Variants in SYNE1 observed in about 807,000 individuals in gnomAD.
SYNE1 encodes the protein nesprin-1.
SYNE1 carries 616 observed loss-of-function variants against 1,111.0 expected under a neutral mutation model. The ratio of observed to expected loss-of-function variants is 0.55; its 90% CI spans 0.52 to 0.59. The LOEUF is 0.59. Among genes scored for constraint, SYNE1 ranks in the 20% least tolerant of loss-of-function variants. The probability of loss-of-function intolerance (pLI) is 0.00; values close to 1 mark genes in which losing one functional copy is unlikely to be tolerated. For missense variants in SYNE1, 10,006 were observed against 10,417.0 expected, an observed-to-expected ratio of 0.96 and a Z score of 1.72; for synonymous variants, 3,855 against 3,825.8, an observed-to-expected ratio of 1.01 and a Z score of -0.28.
At position 152,368,395 on chromosome 6, in the gene SYNE1, T is replaced by A. The variant is rs966703812; in HGVS notation, c.9807+577A>T. 6 of 153,832 alleles carry A rather than the reference T, an allele frequency of 3.9e-5. 1 individual carries two copies. In the South Asian group the frequency reaches 1.2e-3, roughly 31 times the overall value. 9.5% of individuals were successfully genotyped at this position (153,832 alleles called of 1,614,324 possible). A position where few individuals can be genotyped will look rare whatever the true frequency, so the allele number is the denominator to read the frequency against. On this transcript the variant is annotated intron_variant, in intron 61 of 145. Coordinates refer to ENST00000367255, the MANE Select transcript of SYNE1 (RefSeq NM_182961.4). ...TTCTTCTAAGCTATTTGAAAAGAGG[T>A]TTAATCAGTTGTCTGAACCATTGCC...
intron 3 of SYNE1, among the ~76,000 whole-genome samples, chr6:152,601,520 C>T (rs550476912): frequency 1.5e-4 from 23 of 152,246 alleles, no homozygotes; most frequent in African/African-American, 5.3e-4. Context: ...AACTTCGCAG[C>T]AGGATTAGAA....
chr6:152,388,221 C>G (rs2097552254), intron 53 of SYNE1, among the ~76,000 whole-genome samples: 1 of 151,836 alleles, frequency 6.6e-6, no homozygotes, highest in South Asian at 2.1e-4. Flanking sequence ...CCTACCTGTT[C>G]CTCAAATAAT....
intron 65 of SYNE1, 120 bp from the exon 66 acceptor site, chr6:152,358,657 T>C (rs1484629307): frequency 1.1e-6 from 1 of 937,862 alleles, no homozygotes; most frequent in Non-Finnish European, 1.6e-6. Context: ...AGAATATGAG[T>C]TATTTCCTAG....
chr6:152,170,794 C>T (rs569518106), intron 130 of SYNE1, among the ~76,000 whole-genome samples: 8 of 152,282 alleles, frequency 5.3e-5, no homozygotes, highest in South Asian at 2.1e-4. Context: ...CTATGCTTAG[C>T]GGTTGATATG....
intron 126 of SYNE1, among the ~76,000 whole-genome samples, chr6:152,205,548 T>C (rs1684716166): frequency 6.6e-6 from 1 of 152,210 alleles, no homozygotes; most frequent in Admixed American, 6.5e-5. Flanking sequence ...CCTGTCCTTT[T>C]TAAACTGCTC....
At chr6:152,215,369 T>C (rs1469241854) in intron 121 of SYNE1, among the ~76,000 whole-genome samples, 2 of 152,052 alleles carry the variant, frequency 1.3e-5, no homozygotes, top group African/African-American at 2.4e-5. Context: ...CATACAAATA[T>C]ATTATTTACT....
chr6:152,211,087 G>A (rs2763028), intron 124 of SYNE1, among the ~76,000 whole-genome samples: 117,123 of 152,052 alleles, frequency 0.77, 45,137 homozygotes, highest in South Asian at 0.85. Context: ...TTTTTCATCT[G>A]TAAGTAAGAG....
intron 11 of SYNE1, among the ~76,000 whole-genome samples, chr6:152,492,469 C>T (rs778690988): frequency 6.6e-6 from 1 of 152,212 alleles, no homozygotes; most frequent in South Asian, 2.1e-4. Context: ...GGACCTTCTC[C>T]CCCAGGATCT....
At chr6:152,193,771 G>C (rs1378393352) in intron 127 of SYNE1, among the ~76,000 whole-genome samples, 1 of 152,002 alleles carries the variant, frequency 6.6e-6, no homozygotes, top group African/African-American at 2.4e-5. Context: ...CAGCACTCTA[G>C]GGGGCCAAGG....
intron 3 of SYNE1, among the ~76,000 whole-genome samples, chr6:152,580,392 C>T (rs2099515444): frequency 6.6e-6 from 1 of 152,050 alleles, no homozygotes; most frequent in Non-Finnish European, 1.5e-5. Context: ...GTTTAAGTTC[C>T]TTATGAATTC....
chr6:152,225,494 G>A (rs1208368315), intron 116 of SYNE1, among the ~76,000 whole-genome samples: 3 of 151,874 alleles, frequency 2.0e-5, no homozygotes, highest in Non-Finnish European at 4.4e-5. Context: ...CATGGGAATG[G>A]ATGAGATCAT....
At chr6:152,241,959 G>A (rs2085824234) in intron 107 of SYNE1, among the ~76,000 whole-genome samples, 1 of 152,172 alleles carries the variant, frequency 6.6e-6, no homozygotes, top group Non-Finnish European at 1.5e-5. Flanking sequence ...TAGGGAGAAA[G>A]CCTGGCTAAT....
chr6:152,298,224 G>T (rs573445137), intron 93 of SYNE1, among the ~76,000 whole-genome samples: 3 of 152,274 alleles, frequency 2.0e-5, no homozygotes, highest in African/African-American at 7.2e-5. Context: ...GGGTATCAAG[G>T]GACTTCCCAG....
At chr6:152,574,607 G>A (rs2099488987) in intron 3 of SYNE1, among the ~76,000 whole-genome samples, 1 of 152,084 alleles carries the variant, frequency 6.6e-6, no homozygotes, top group Admixed American at 6.6e-5. Context: ...TTTGAGGGAA[G>A]GAAAGGAGAT....
At chr6:152,425,968 AAG>A in intron 38 of SYNE1, among the ~76,000 whole-genome samples, 1 of 152,220 alleles carries the variant, frequency 6.6e-6, no homozygotes, top group Non-Finnish European at 1.5e-5. Context: ...AGCTAACAAT[AAG>A]AGAGATGCAA....
intron 3 of SYNE1, among the ~76,000 whole-genome samples, chr6:152,542,353 A>G (rs897933064): frequency 2.6e-5 from 4 of 152,210 alleles, no homozygotes; most frequent in African/African-American, 4.8e-5. Context: ...GACCTCTAAT[A>G]TATTTTAACA....
chr6:152,427,719 C>T lies in SYNE1; in HGVS notation c.5074G>A (p.Val1692Met), dbSNP rs756401694. ...TGTATTAACTGAAGTTCACCTTCCA[C>T]TTTGACTCTGTCTGCAGAAATGTCC... The part of the protein sequence containing the change: ...EMDISADRVK[V>M]EGELQLIQAL... The change falls in exon 38 of 146, where the codon GTG becomes ATG. Residue 1692 changes from valine (V) to methionine (M), a missense_variant. Physicochemically the swap from Val to Met is conservative, Grantham distance 21. Around this residue, in one of 7 missense-constraint regions of SYNE1, gnomAD observed 1,971 missense variants for 2,084.1 expected, o/e 0.95. Transcript: ENST00000367255. 5 of 1,614,174 alleles carry T rather than the reference C, an allele frequency of 3.1e-6. 1 individual carries two copies. The highest frequency in any genetic ancestry group is 4.2e-6 in the Non-Finnish European group (5 of 1,180,030).
At chr6:152,506,033 A>G (rs2099056529) in intron 8 of SYNE1, among the ~76,000 whole-genome samples, 1 of 152,204 alleles carries the variant, frequency 6.6e-6, no homozygotes, top group Non-Finnish European at 1.5e-5. Context: ...TCCACCAATA[A>G]AATTGTTTTT....
At chr6:152,159,463 C>T (rs1170771506) in intron 131 of SYNE1, among the ~76,000 whole-genome samples, 1 of 152,162 alleles carries the variant, frequency 6.6e-6, no homozygotes, top group Non-Finnish European at 1.5e-5. Flanking sequence ...AATTAAAAAG[C>T]TATATGTGCA....
Sources: allele counts gnomAD v4.1 joint callset (sites outside exome capture counted in the v4.1 genomes callset), GRCh38; gene constraint gnomAD v4.1.1; regional missense constraint gnomAD v4.1.1; transcripts MANE v1.5; gene names NCBI Gene and HGNC (gene_info 2026-07-23, HGNC 2026-07-21).